Variants in SNX4 observed in about 807,000 individuals in gnomAD.
SNX4 encodes the protein sorting nexin 4.
A neutral mutation model predicts 70.8 loss-of-function variants in SNX4; 49 were observed. The ratio of observed to expected loss-of-function variants is 0.69; its 90% CI spans 0.55 to 0.88. The LOEUF is 0.88. Among genes scored for constraint, SNX4 ranks in the 40% least tolerant of loss-of-function variants. The pLI is 0.00. For missense variants in SNX4, 528 were observed against 544.8 expected, an observed-to-expected ratio of 0.97 and a Z score of 0.31; for synonymous variants, 206 against 183.8, an observed-to-expected ratio of 1.12 and a Z score of -0.98.
chr3:125,515,907 T>C (rs1935269246), intron 1 of SNX4, among the ~76,000 whole-genome samples: 1 of 152,118 alleles, frequency 6.6e-6, no homozygotes, highest in African/African-American at 2.4e-5. Context: ...GTGAGTATGA[T>C]TTTATCATCT....
intron 5 of SNX4, among the ~76,000 whole-genome samples, chr3:125,491,879 C>T (rs1293175306): frequency 2.0e-5 from 3 of 151,970 alleles, no homozygotes; most frequent in Admixed American, 1.3e-4. Flanking sequence ...GAGGCTGAGG[C>T]GGGTGGATCA....
chr3:125,510,296 G>A (rs528652579), intron 1 of SNX4, among the ~76,000 whole-genome samples: 2 of 150,872 alleles, frequency 1.3e-5, no homozygotes, highest in South Asian at 2.1e-4. Context: ...GCAGTGGTGC[G>A]ATCTCACTGC....
At chr3:125,457,469 ATG>A in intron 10 of SNX4, 104 bp from the exon 11 acceptor site, 1 of 758,630 alleles carries the variant, frequency 1.3e-6, no homozygotes, top group South Asian at 1.5e-5. Flanking sequence ...CTAGGGCAGA[ATG>A]TGTGTGCCCA....
intron 1 of SNX4, among the ~76,000 whole-genome samples, chr3:125,508,229 C>T (rs1344139423): frequency 2.0e-5 from 3 of 152,170 alleles, no homozygotes; most frequent in Admixed American, 1.3e-4. Flanking sequence ...TCCTAAGAGT[C>T]ATATGGAATC....
chr3:125,464,170 C>T (rs1933951566), intron 9 of SNX4, among the ~76,000 whole-genome samples: 1 of 152,076 alleles, frequency 6.6e-6, no homozygotes, highest in South Asian at 2.1e-4. Flanking sequence ...TTACCACCAC[C>T]CACCTCCATA....
intron 5 of SNX4, among the ~76,000 whole-genome samples, chr3:125,495,249 T>TC (rs1934757837): frequency 5.1e-5 from 3 of 59,130 alleles, no homozygotes; most frequent in African/African-American, 7.0e-5. Flanking sequence ...TCATTCTCTC[T>TC]TTATATATAT....
At chr3:125,450,884 G>C (rs1933553359) in intron 13 of SNX4, among the ~76,000 whole-genome samples, 1 of 152,058 alleles carries the variant, frequency 6.6e-6, no homozygotes, top group Non-Finnish European at 1.5e-5. Context: ...AAATAATCTT[G>C]GTATATATTC....
At chr3:125,476,210 G>A (rs1934285135) in intron 8 of SNX4, among the ~76,000 whole-genome samples, 1 of 144,210 alleles carries the variant, frequency 6.9e-6, no homozygotes, top group South Asian at 2.2e-4. Context: ...AGGTTGCAGT[G>A]AGCTGAGATT....
chr3:125,510,655 A>G (rs1935150524), intron 1 of SNX4, among the ~76,000 whole-genome samples: 2 of 152,266 alleles, frequency 1.3e-5, no homozygotes, highest in Non-Finnish European at 1.5e-5. Context: ...GATAAGTGAA[A>G]TAAAACAGTC....
intron 11 of SNX4, 128 bp downstream of exon 11, chr3:125,457,138 T>G (rs551461339): frequency 1.5e-6 from 1 of 668,972 alleles, no homozygotes; most frequent in South Asian, 1.8e-5. Context: ...CTGTAAAAGG[T>G]TCAGCCGTCC....
chr3:125,501,068 C>G lies in SNX4; in HGVS notation c.264-2874G>C, dbSNP rs138225890. On this transcript the variant is annotated intron_variant, in intron 2 of 13. Coordinates refer to ENST00000251775, the MANE Select transcript of SNX4 (RefSeq NM_003794.4). The stretch of plus-strand genomic sequence containing the variant: ...TATTCATATTGTCCACAACTGTCTG[C>G]AAAACACTGAATTACAGAAACAATA... Among the ~76,000 whole-genome samples, 1,177 of 151,976 alleles carry G rather than the reference C, an allele frequency of 7.7e-3. 16 individuals carry two copies. Among genetic ancestry groups the G allele is most frequent in the African/African-American group, 0.025 (1,049 of 41,438 alleles).
intron 13 of SNX4, 46 bp downstream of exon 13, chr3:125,451,259 A>G (rs1220001687): frequency 7.7e-7 from 1 of 1,293,450 alleles, no homozygotes; most frequent in African/African-American, 1.5e-5. Flanking sequence ...ATGTATAAGC[A>G]CTTCTGAATA....
At chr3:125,490,787 C>CA (rs61378851) in intron 5 of SNX4, among the ~76,000 whole-genome samples, 2,111 of 140,768 alleles carry the variant, frequency 0.015, 40 homozygotes, top group African/African-American at 0.041. Flanking sequence ...ATTAAAAAAA[C>CA]AAAAAAAAAA....
intron 1 of SNX4, among the ~76,000 whole-genome samples, chr3:125,512,220 TTAA>T (rs1935187948): frequency 6.6e-6 from 1 of 152,208 alleles, no homozygotes; most frequent in South Asian, 2.1e-4. Flanking sequence ...TATACATGTA[TTAA>T]TAATACATTC....
intron 5 of SNX4, among the ~76,000 whole-genome samples, chr3:125,492,308 A>C (rs150559123): frequency 6.6e-6 from 1 of 152,030 alleles, no homozygotes; most frequent in African/African-American, 2.4e-5. Flanking sequence ...TGGTGACTTC[A>C]CTGCAGGTTT....
intron 1 of SNX4, among the ~76,000 whole-genome samples, chr3:125,509,345 AAAAG>A (rs1935117790): frequency 6.6e-6 from 1 of 151,804 alleles, no homozygotes; most frequent in Non-Finnish European, 1.5e-5. Flanking sequence ...AAAAAAAAAA[AAAAG>A]AGAGAAAGGA....
intron 1 of SNX4, among the ~76,000 whole-genome samples, chr3:125,511,305 G>C (rs1935170243): frequency 9.2e-6 from 1 of 108,922 alleles, no homozygotes; most frequent in Admixed American, 9.7e-5. Flanking sequence ...AACCAAAATC[G>C]AATCTCTCTC....
Position 125,447,536 on chromosome 3 carries a change from T to C in SNX4, c.*243A>G, listed in dbSNP as rs1579966014. ...GCGTGACAAACAATCTGTTGGTATA[T>C]ATTATTAAATTAACTTTTTGGAATC... On this transcript the variant is annotated 3_prime_UTR_variant, in exon 14 of 14. Transcript: ENST00000251775. The C allele has an allele frequency of 2.8e-6, 1 of 361,058 alleles. No individual in the cohort carries two copies. Among genetic ancestry groups the C allele is most frequent in the South Asian group, 6.7e-5 (1 of 14,968 alleles). 22.4% of individuals were successfully genotyped at this position (361,058 alleles called of 1,614,324 possible). A position where few individuals can be genotyped will look rare whatever the true frequency, so the allele number is the denominator to read the frequency against.
At chr3:125,484,360 T>G (rs1264517828) in intron 6 of SNX4, among the ~76,000 whole-genome samples, 2 of 152,210 alleles carry the variant, frequency 1.3e-5, no homozygotes, top group Non-Finnish European at 2.9e-5. Context: ...GTTCAAGTGA[T>G]TCTCCCATTT....
Sources: gnomAD v4.1 joint callset for allele counts (sites outside exome capture counted in the v4.1 genomes callset) on GRCh38, gnomAD v4.1.1 for gene constraint, MANE v1.5 for transcripts, NCBI Gene and HGNC (gene_info 2026-07-23, HGNC 2026-07-21) for gene names.